Variants in ALK observed in about 807,000 individuals in gnomAD.
ALK encodes ALK tyrosine kinase receptor.
Under a neutral mutation model 163.1 loss-of-function variants are expected in ALK, and 74 were observed. The observed-to-expected ratio is 0.45, with a 90% CI of 0.38 to 0.55. ALK has a LOEUF of 0.55. ALK is among the 20% of genes least tolerant of loss of function. The pLI, the probability that ALK is intolerant of heterozygous loss-of-function variation, is 0.00. For missense variants in ALK, 2,063 were observed against 2,105.3 expected, an observed-to-expected ratio of 0.98 and a Z score of 0.39; for synonymous variants, 960 against 843.2, an observed-to-expected ratio of 1.14 and a Z score of -2.40.
At chr2:29,886,258 A>G (rs1324056163) in intron 1 of ALK, among the ~76,000 whole-genome samples, 1 of 152,238 alleles carries the variant, frequency 6.6e-6, no homozygotes, top group Non-Finnish European at 1.5e-5. Context: ...ACTTTCAGTC[A>G]ACAGTATGCT....
chr2:29,391,569 T>A (rs1669173356), intron 4 of ALK, among the ~76,000 whole-genome samples: 1 of 152,120 alleles, frequency 6.6e-6, no homozygotes, highest in Non-Finnish European at 1.5e-5. Context: ...CCAAAGTGCC[T>A]CCTTTGGGGT....
At chr2:29,277,274 G>A (rs1419600689) in intron 9 of ALK, among the ~76,000 whole-genome samples, 2 of 152,332 alleles carry the variant, frequency 1.3e-5, no homozygotes, top group East Asian at 1.9e-4. Flanking sequence ...TACAGCAGGG[G>A]TTGGAAGCTC....
At chr2:29,458,618 G>A (rs1671014588) in intron 4 of ALK, among the ~76,000 whole-genome samples, 1 of 152,092 alleles carries the variant, frequency 6.6e-6, no homozygotes, top group Non-Finnish European at 1.5e-5. Flanking sequence ...GTTCCCTGTG[G>A]ATCAAATTAG....
At chr2:29,807,425 T>A (rs531280680) in intron 1 of ALK, among the ~76,000 whole-genome samples, 3 of 152,328 alleles carry the variant, frequency 2.0e-5, no homozygotes, top group African/African-American at 7.2e-5. Context: ...TGAGGAGGTG[T>A]CCTTCTGCCA....
Position 29,214,088 on chromosome 2 carries a change from G to GGA in ALK, c.3646-9_3646-8dup. On this transcript the variant is annotated splice_region_variant and splice_polypyrimidine_tract_variant and intron_variant, in intron 23 of 28. Transcript: ENST00000389048. ...CCAGGGAGGAGGGCTGGCTCTGTGG[G>GGA]GAGACAGAAGCGGGCCACTGACGAG... The GGA allele has an allele frequency of 6.2e-7, 1 of 1,613,336 alleles. No individual in the cohort carries two copies. The highest frequency in any genetic ancestry group is 8.5e-7 in the Non-Finnish European group (1 of 1,179,344).
At chr2:29,910,379 G>A (rs997639532) in intron 1 of ALK, among the ~76,000 whole-genome samples, 1 of 152,030 alleles carries the variant, frequency 6.6e-6, no homozygotes, top group East Asian at 1.9e-4. Flanking sequence ...AATAAAGTAC[G>A]GGAACCATAA....
chr2:29,575,796 T>C (rs1042310035), intron 3 of ALK, among the ~76,000 whole-genome samples: 2 of 152,206 alleles, frequency 1.3e-5, no homozygotes, highest in African/African-American at 4.8e-5. Context: ...TCTTCTGCAG[T>C]GCTGTGGCCC....
chr2:29,752,440 C>T (rs1168455391), intron 1 of ALK, among the ~76,000 whole-genome samples: 2 of 150,158 alleles, frequency 1.3e-5, no homozygotes, highest in East Asian at 3.9e-4. Flanking sequence ...AGCTCCGCCT[C>T]CCGGGTTCAC....
At chr2:29,607,426 A>G (rs868337294) in intron 3 of ALK, among the ~76,000 whole-genome samples, 2 of 152,146 alleles carry the variant, frequency 1.3e-5, no homozygotes, top group African/African-American at 4.8e-5. Context: ...GACATTTGCA[A>G]TAGAACTCCT....
intron 4 of ALK, among the ~76,000 whole-genome samples, chr2:29,403,911 C>CA (rs570732253): frequency 6.0e-5 from 9 of 149,566 alleles, no homozygotes; most frequent in African/African-American, 9.8e-5. Context: ...GACCCTGTCT[C>CA]AAAAAAAAAA....
At chr2:29,430,453 C>T (rs1670245959) in intron 4 of ALK, among the ~76,000 whole-genome samples, 1 of 152,146 alleles carries the variant, frequency 6.6e-6, no homozygotes, top group African/African-American at 2.4e-5. Flanking sequence ...GGCTTGAGGG[C>T]CATACAGTCT....
At chr2:29,800,225 A>T (rs1019301002) in intron 1 of ALK, among the ~76,000 whole-genome samples, 1 of 152,220 alleles carries the variant, frequency 6.6e-6, no homozygotes, top group Non-Finnish European at 1.5e-5. Flanking sequence ...CATGGCTGAG[A>T]GATAGCAGGA....
At chr2:29,245,351 C>T (rs111467510) in intron 12 of ALK, among the ~76,000 whole-genome samples, 4 of 106,952 alleles carry the variant, frequency 3.7e-5, no homozygotes, top group African/African-American at 1.5e-4. Context: ...GCCCTGCACA[C>T]AGTAGGGGCT....
In ALK at chr2:29,898,157, C is replaced by T. The variant is rs541299670; in HGVS notation, c.667+21836G>A. 7.2e-5 allele frequency among the ~76,000 whole-genome samples: 11 copies of T among 152,352 alleles called. No individual in the cohort carries two copies. The East Asian group carries it at 2.1e-3, about 29-fold the overall frequency. Reference sequence around the variant, plus strand: ...CCTCAGGGCCTCTCTTTCCTGCCACCTTCCCCAGCCCCAGGCAGCCTAGAG... The same window carrying T: ...CCTCAGGGCCTCTCTTTCCTGCCACTTTCCCCAGCCCCAGGCAGCCTAGAG... On this transcript the variant is annotated intron_variant, in intron 1 of 28. Transcript: ENST00000389048.
intron 1 of ALK, among the ~76,000 whole-genome samples, chr2:29,862,879 T>C (rs898786316): frequency 2.0e-5 from 3 of 150,346 alleles, no homozygotes; most frequent in African/African-American, 2.4e-5. Context: ...ACTACTAAGC[T>C]TTAGTAATCA....
At chr2:29,199,002 G>A (rs1669093384) in intron 26 of ALK, among the ~76,000 whole-genome samples, 1 of 150,232 alleles carries the variant, frequency 6.7e-6, no homozygotes, top group South Asian at 2.1e-4. Flanking sequence ...TACTCAGGCT[G>A]GAGTGCAGTG....
intron 3 of ALK, among the ~76,000 whole-genome samples, chr2:29,564,445 C>T (rs1027332269): frequency 1.9e-5 from 2 of 108,054 alleles, no homozygotes; most frequent in Non-Finnish European, 4.0e-5. Flanking sequence ...ACCACCACCC[C>T]CACCGCCACC....
intron 1 of ALK, among the ~76,000 whole-genome samples, chr2:29,822,950 C>T (rs1250946490): frequency 6.6e-6 from 1 of 152,154 alleles, no homozygotes; most frequent in African/African-American, 2.4e-5. Flanking sequence ...GATACTGTTC[C>T]AGACATTGAC....
At chr2:29,823,849 G>C (rs1247319161) in intron 1 of ALK, among the ~76,000 whole-genome samples, 1 of 152,212 alleles carries the variant, frequency 6.6e-6, no homozygotes, top group African/African-American at 2.4e-5. Context: ...ATTCAAGCCA[G>C]CTGTAGAAAT....
Sources: gnomAD v4.1 joint callset for allele counts (sites outside exome capture counted in the v4.1 genomes callset) on GRCh38, gnomAD v4.1.1 for gene constraint, MANE v1.5 for transcripts, NCBI Gene and HGNC (gene_info 2026-07-23, HGNC 2026-07-21) for gene names.